Variants in PAXIP1 observed in about 807,000 individuals in gnomAD.
PAXIP1 encodes the protein PAX-interacting protein 1.
In PAXIP1, 19 loss-of-function variants were observed where a neutral mutation model predicts 140.6. The observed-to-expected ratio is 0.14, with a 90% confidence interval of 0.09 to 0.20. The LOEUF is 0.20. Ranked by LOEUF, PAXIP1 falls within the 10% of genes least tolerant of loss-of-function variation. The pLI, the probability that PAXIP1 is intolerant of heterozygous loss-of-function variation, is 1.00. For synonymous variants in PAXIP1, 442 were observed against 444.6 expected (o/e 0.99, Z 0.07); for missense variants, 920 against 1,208.6 (o/e 0.76, Z 3.54).
intron 4 of PAXIP1, among the ~76,000 whole-genome samples, chr7:154,990,744 AATTTC>A (rs1170001644): frequency 6.6e-6 from 1 of 152,002 alleles, no homozygotes. Context: ...GTCATCTTTT[AATTTC>A]ATTTTTAATA....
In PAXIP1 at chr7:154,962,417, T is replaced by A; in HGVS notation, c.2031A>T (p.Leu677Phe). 1 of 1,613,466 alleles carries A rather than the reference T, an allele frequency of 6.2e-7. No individual in the cohort carries two copies. Among genetic ancestry groups the A allele is most frequent in the African/African-American group, 1.3e-5 (1 of 75,044 alleles). The stretch of plus-strand genomic sequence containing the variant: ...TTTTCTTCTTCTTTAAGACTGTGTT[T>A]AACCAGTGTGCAGTAACACATCTCT... ...ERKRCVTAHW[L>F]NTVLKKKKMV... is the part of the protein sequence containing the mutation. Residue 677 changes from leucine (L) to phenylalanine (F), a missense_variant, in exon 10 of 21, where the codon TTA becomes TTT. This residue lies in a region of PAXIP1 where 303 missense variants were observed against 517.9 expected (regional missense o/e 0.59). Coordinates refer to ENST00000404141, the MANE Select transcript of PAXIP1 (RefSeq NM_007349.4).
intron 1 of PAXIP1, chr7:155,001,248 G>C (rs1810872792): frequency 6.6e-6 from 1 of 152,150 alleles, no homozygotes. Flanking sequence ...AGTTCAACTT[G>C]TTCCAGGTTT....
intron 10 of PAXIP1, among the ~76,000 whole-genome samples, chr7:154,961,980 G>A (rs1808775063): frequency 6.6e-6 from 1 of 152,156 alleles, no homozygotes; most frequent in African/African-American, 2.4e-5. Context: ...TGATCCCAAC[G>A]CTGAGATCAT....
intron 13 of PAXIP1, among the ~76,000 whole-genome samples, chr7:154,957,697 G>A (rs539770982): frequency 4.8e-4 from 73 of 152,262 alleles, no homozygotes; most frequent in African/African-American, 1.7e-3. Context: ...GCCGGGCGCG[G>A]TGGCTCACGC....
At chr7:154,998,432 C>T (rs1483137814) in intron 2 of PAXIP1, among the ~76,000 whole-genome samples, 4 of 152,026 alleles carry the variant, frequency 2.6e-5, no homozygotes, top group South Asian at 2.1e-4. Context: ...CACTTGAACC[C>T]GGGAGGCGGA....
intron 15 of PAXIP1, among the ~76,000 whole-genome samples, chr7:154,955,034 C>T (rs888290073): frequency 6.6e-6 from 1 of 152,182 alleles, no homozygotes; most frequent in African/African-American, 2.4e-5. Context: ...CTCTCCCTCA[C>T]CAAAACAAAA....
At chr7:154,993,992 A>T (rs574352717) in intron 2 of PAXIP1, among the ~76,000 whole-genome samples, 16 of 152,316 alleles carry the variant, frequency 1.1e-4, no homozygotes, top group East Asian at 3.9e-4. Flanking sequence ...ATATTTTTTT[A>T]AAATTATGTA....
Position 154,954,125 on chromosome 7 carries a change from T to A in PAXIP1, c.2821+130A>T. The A allele has an allele frequency of 1.6e-6, 1 of 639,302 alleles. No homozygotes were observed. Among genetic ancestry groups the A allele is most frequent in the Non-Finnish European group, 2.3e-6 (1 of 425,910 alleles). The allele number at this position is 639,302 out of a possible 1,614,324, so 39.6% of individuals were successfully genotyped here. On this transcript the variant is annotated intron_variant, in intron 16 of 20. Transcript: ENST00000404141. This position sits in a 1 kb window ranked among gnomAD's most constrained non-coding sequence, Gnocchi z 5.1. ...GAATCACTGGGGATATGAAATAAAT[T>A]TTTAAATTTAAATGAATAACTATCA...
chr7:154,988,146 G>A (rs497909), intron 4 of PAXIP1, among the ~76,000 whole-genome samples: 96,832 of 152,016 alleles, frequency 0.64, 31,029 homozygotes, highest in Admixed American at 0.72. Flanking sequence ...TTTCTTCTAC[G>A]TGCAAATGCA....
intron 5 of PAXIP1, among the ~76,000 whole-genome samples, chr7:154,979,622 T>A (rs1415984506): frequency 1.5e-5 from 2 of 134,044 alleles, no homozygotes; most frequent in Non-Finnish European, 3.1e-5. Flanking sequence ...CATAACATAA[T>A]CGTGAATCAA....
At chr7:154,951,814 G>T (rs1426595739) in intron 16 of PAXIP1, 1 of 152,162 alleles carries the variant, frequency 6.6e-6, no homozygotes, top group Non-Finnish European at 1.5e-5. Flanking sequence ...CATGTTCTTG[G>T]TTGGAAAAGA....
In PAXIP1 at chr7:154,973,440, G is replaced by T. The variant is rs1054827893; in HGVS notation, c.1074+2256C>A. Among the ~76,000 whole-genome samples the T allele has an allele frequency of 3.3e-5, 5 of 152,156 alleles. No homozygotes were observed. Among genetic ancestry groups the T allele is most frequent in the African/African-American group, 1.2e-4 (5 of 41,442 alleles). Reference sequence around the variant, plus strand: ...GAAACCCAAAGTCTTCCCTATCTATGAATCACCTATTTGAAAATCTTCTAT... The same window carrying T: ...GAAACCCAAAGTCTTCCCTATCTATTAATCACCTATTTGAAAATCTTCTAT... On this transcript the variant is annotated intron_variant, in intron 6 of 20. Coordinates refer to ENST00000404141, the MANE Select transcript of PAXIP1 (RefSeq NM_007349.4). This position sits in a 1 kb window ranked among gnomAD's most constrained non-coding sequence, Gnocchi z 4.0.
chr7:154,979,749 T>C (rs551844276), intron 5 of PAXIP1, among the ~76,000 whole-genome samples: 2 of 152,212 alleles, frequency 1.3e-5, no homozygotes, highest in East Asian at 3.9e-4. Flanking sequence ...GTTCATTTTA[T>C]AGACTGGTGC....
intron 4 of PAXIP1, among the ~76,000 whole-genome samples, chr7:154,987,239 T>TC (rs1297198817): frequency 6.6e-6 from 1 of 152,230 alleles, no homozygotes; most frequent in Non-Finnish European, 1.5e-5. Flanking sequence ...TCACTTTCTA[T>TC]CATCCTTTTC....
At chr7:154,962,272 C>G in intron 10 of PAXIP1, 49 bp downstream of exon 10, 1 of 1,602,008 alleles carries the variant, frequency 6.2e-7, no homozygotes, top group South Asian at 1.1e-5. Flanking sequence ...GATTATTCGC[C>G]AAAGTCGAAG....
At chr7:154,983,423 G>A in intron 4 of PAXIP1, 91 bp from the exon 5 acceptor site, 1 of 655,908 alleles carries the variant, frequency 1.5e-6, no homozygotes. Flanking sequence ...CAACAATTCT[G>A]TTTCTCCCTT....
chr7:154,950,931 T>C (rs758750760), intron 16 of PAXIP1: 3 of 152,232 alleles, frequency 2.0e-5, no homozygotes, highest in African/African-American at 2.4e-5. Flanking sequence ...GGCAAGACTA[T>C]AGAAAGAATA....
At chr7:154,961,738 T>C in intron 10 of PAXIP1, 90 bp from the exon 11 acceptor site, 1 of 1,108,916 alleles carries the variant, frequency 9.0e-7, no homozygotes, top group Admixed American at 2.6e-5. Context: ...TTGATACATA[T>C]TTTTTCACTA....
At position 154,975,903 on chromosome 7, in the gene PAXIP1, C is replaced by G. The variant is rs767483916; in HGVS notation, c.867G>C (p.Leu289Phe). 18 of 1,613,894 alleles carry G rather than the reference C, an allele frequency of 1.1e-5. No homozygotes were observed. The highest frequency in any genetic ancestry group is 1.2e-5 in the Non-Finnish European group (14 of 1,179,892). The change falls in exon 6 of 21, where the codon TTG (leucine) becomes TTC (phenylalanine). Residue 289 changes from leucine to phenylalanine, a missense_variant. Transcript: ENST00000404141. ...GTGGGACATTGGCACACAAGTTAATCAACCCAGGCTCCTTTCCCTGAGGCA... is the reference window on the plus strand; with the variant it reads ...GTGGGACATTGGCACACAAGTTAATGAACCCAGGCTCCTTTCCCTGAGGCA... The part of the protein sequence containing the change: ...RRLPQGKEPG[L>F]INLCANVPPV...
Sources: allele counts gnomAD v4.1 joint callset (sites outside exome capture counted in the v4.1 genomes callset), GRCh38; gene constraint gnomAD v4.1.1; regional missense constraint gnomAD v4.1.1; non-coding constraint Gnocchi (gnomAD v3.1); transcripts MANE v1.5; gene names NCBI Gene and HGNC (gene_info 2026-07-23, HGNC 2026-07-21).